HSP90AA1: variants seen among roughly 807,000 people sequenced by gnomAD.
HSP90AA1 encodes heat shock protein 90 alpha family class A member 1, also known as heat shock protein HSP 90-alpha.
In HSP90AA1, 18 loss-of-function variants were observed where a neutral mutation model predicts 73.3. The observed-to-expected ratio is 0.25, with a 90% CI of 0.17 to 0.36. HSP90AA1 has a LOEUF of 0.36. Ranked by LOEUF, HSP90AA1 falls within the 10% of genes least tolerant of loss-of-function variation. The pLI is 1.00. For missense variants in HSP90AA1, 704 were observed against 874.2 expected (o/e 0.81, Z 2.45); for synonymous variants, 477 against 296.9 (o/e 1.61, Z -6.24).
chr14:102,123,645 G>C (rs2049806695), intron 1 of HSP90AA1, among the ~76,000 whole-genome samples: 1 of 151,498 alleles, frequency 6.6e-6, no homozygotes, highest in Non-Finnish European at 1.5e-5. Context: ...TACAGTACTA[G>C]GATTACAGGC....
chr14:102,088,638 C>T (rs1007265224), upstream of HSP90AA1, among the ~76,000 whole-genome samples: 12 of 152,136 alleles, frequency 7.9e-5, no homozygotes, highest in African/African-American at 2.9e-4. Flanking sequence ...GGGGCGCGCC[C>T]CCGGCCCAGG....
upstream of HSP90AA1, among the ~76,000 whole-genome samples, chr14:102,087,694 C>G (rs1001318357): frequency 6.6e-6 from 1 of 152,176 alleles, no homozygotes; most frequent in African/African-American, 2.4e-5. Flanking sequence ...GGCCTGCGCG[C>G]TCGGGGATTC....
rs554591656 is a variant in HSP90AA1, at chr14:102,081,593, T to C, written c.*119A>G. 20 of 705,814 alleles carry C rather than the reference T, an allele frequency of 2.8e-5. No individual in the cohort carries two copies. The African/African-American group carries it at 3.4e-4, about 12-fold the overall frequency. The allele number at this position is 705,814 out of a possible 1,614,324, so 43.7% of individuals were successfully genotyped here. On this transcript the variant is annotated 3_prime_UTR_variant, in exon 11 of 11. Transcript: ENST00000216281. The stretch of plus-strand genomic sequence containing the variant: ...CAGAAATCTTATCTTCCCCTTAAAG[T>C]AGTTGTCATGCCATACAGACTTTTT...
intron 1 of HSP90AA1, among the ~76,000 whole-genome samples, chr14:102,121,665 T>C (rs1045029820): frequency 6.6e-6 from 1 of 152,166 alleles, no homozygotes; most frequent in African/African-American, 2.4e-5. Context: ...AATGTGATAG[T>C]AAAAAATAGT....
intron 8 of HSP90AA1, 37 bp downstream of exon 8, chr14:102,083,509 G>A (rs1487242290): frequency 4.4e-6 from 7 of 1,602,410 alleles, no homozygotes; most frequent in Admixed American, 3.3e-5. Context: ...AAGATTGTAA[G>A]AACGACGTGT....
At position 102,084,630 on chromosome 14, in the gene HSP90AA1, G is replaced by A. The variant is rs1406472384; in HGVS notation, c.981+51C>T. The A allele has an allele frequency of 3.1e-6, 5 of 1,614,128 alleles. No homozygotes were observed. The South Asian group carries it at 4.4e-5, about 14-fold the overall frequency. ...ATTATAGAAGATATTTGGGGTGGTG[G>A]AGAAAGATGATAATCTAAGGACAAG... On this transcript the variant is annotated intron_variant, in intron 5 of 10. Transcript: ENST00000216281.
intron 1 of HSP90AA1, among the ~76,000 whole-genome samples, chr14:102,116,147 G>T (rs1009060704): frequency 6.6e-6 from 1 of 151,940 alleles, no homozygotes; most frequent in Non-Finnish European, 1.5e-5. Flanking sequence ...TAGAGACAGG[G>T]TTTCAACGTG....
chr14:102,104,394 G>A (rs1277988205), intron 1 of HSP90AA1, among the ~76,000 whole-genome samples: 2 of 151,984 alleles, frequency 1.3e-5, no homozygotes, highest in Non-Finnish European at 2.9e-5. Flanking sequence ...TGTATTTTTA[G>A]TAGAGACAGG....
At chr14:102,082,564 C>A in intron 9 of HSP90AA1, 120 bp from the exon 10 acceptor site, 1 of 760,948 alleles carries the variant, frequency 1.3e-6, no homozygotes, top group Non-Finnish European at 2.2e-6. Flanking sequence ...CTGTCAAATA[C>A]AACTTAAATG....
chr14:102,121,034 C>T (rs1440829014), intron 1 of HSP90AA1, among the ~76,000 whole-genome samples: 3 of 151,710 alleles, frequency 2.0e-5, no homozygotes, highest in African/African-American at 7.3e-5. Flanking sequence ...CACACACACA[C>T]ACACACACGT....
chr14:102,086,473 T>G (rs548969063), intron 1 of HSP90AA1, 95 bp from the exon 2 acceptor site: 1 of 1,408,140 alleles, frequency 7.1e-7, no homozygotes, highest in African/African-American at 1.4e-5. Context: ...TAAAGCCGAA[T>G]TGGAGATTTG....
At chr14:102,132,831 G>A (rs890409233) in intron 1 of HSP90AA1, among the ~76,000 whole-genome samples, 2 of 151,834 alleles carry the variant, frequency 1.3e-5, no homozygotes, top group Non-Finnish European at 2.9e-5. Context: ...GTGGTGGTGC[G>A]CACCTGTAAT....
chr14:102,138,790 T>C (rs28541825), intron 1 of HSP90AA1, among the ~76,000 whole-genome samples: 4,845 of 152,290 alleles, frequency 0.032, 214 homozygotes, highest in African/African-American at 0.097. Context: ...AGCTTTCTTA[T>C]TCTGGTGTAA....
rs1257495711 is a variant in HSP90AA1, at chr14:102,081,449, T to C, written c.*263A>G. 12 of 542,964 alleles carry C rather than the reference T, an allele frequency of 2.2e-5. No individual in the cohort carries two copies. The highest frequency in any genetic ancestry group is 3.6e-5 in the Non-Finnish European group (11 of 303,734). The allele number at this position is 542,964 out of a possible 1,614,324, so 33.6% of individuals were successfully genotyped here. A position where few individuals can be genotyped will look rare whatever the true frequency, so the allele number is the denominator to read the frequency against. ...ACTTTAGACCACAAAGTTAACATCA[T>C]GTTACATACGTCTTACAGTGCACGT... On this transcript the variant is annotated 3_prime_UTR_variant, in exon 11 of 11. Transcript: ENST00000216281.
At chr14:102,100,672 G>A (rs1450507958) in intron 2 of HSP90AA1, among the ~76,000 whole-genome samples, 1 of 152,188 alleles carries the variant, frequency 6.6e-6, no homozygotes, top group South Asian at 2.1e-4. Context: ...TGATCTGCCC[G>A]CCTGGGCCTC....
upstream of HSP90AA1, among the ~76,000 whole-genome samples, chr14:102,091,844 C>G (rs143214911): frequency 2.2e-4 from 33 of 152,102 alleles, no homozygotes; most frequent in East Asian, 6.5e-3. Context: ...CCAGGCTGGT[C>G]TTGAACTCCT....
intron 8 of HSP90AA1, 41 bp downstream of exon 8, chr14:102,083,505 G>C (rs369796306): frequency 1.1e-5 from 18 of 1,597,284 alleles, no homozygotes; most frequent in Admixed American, 1.7e-5. Flanking sequence ...CTACAAGATT[G>C]TAAGAACGAC....
At chr14:102,083,729 A>G in intron 7 of HSP90AA1, 36 bp from the exon 8 acceptor site, 3 of 1,535,610 alleles carry the variant, frequency 2.0e-6, no homozygotes, top group Non-Finnish European at 2.7e-6. Flanking sequence ...AGACTTTCTG[A>G]ATTAAAAAAA....
At chr14:102,082,638 T>G (rs764123628) in intron 9 of HSP90AA1, 194 bp from the exon 10 acceptor site, 2 of 605,058 alleles carry the variant, frequency 3.3e-6, no homozygotes, top group Non-Finnish European at 5.8e-6. Context: ...ATTTTTTTTT[T>G]GAGATAGAGT....
Sources: allele counts gnomAD v4.1 joint callset (sites outside exome capture counted in the v4.1 genomes callset), GRCh38; gene constraint gnomAD v4.1.1; transcripts MANE v1.5; gene names NCBI Gene and HGNC (gene_info 2026-07-23, HGNC 2026-07-21).